The following SLC4A4 variants were observed in gnomAD, a reference collection of about 807,000 sequenced individuals.
The protein encoded by SLC4A4 is solute carrier family 4 member 4.
In SLC4A4, 27 loss-of-function variants were observed where a neutral mutation model predicts 111.5. That is an observed-to-expected ratio of 0.24 (90% confidence interval 0.18 to 0.33). The LOEUF (loss-of-function observed/expected upper bound fraction) is 0.33, where lower values mean the gene tolerates loss of function less well. Among genes scored for constraint, SLC4A4 ranks in the 10% least tolerant of loss-of-function variants. The pLI is 1.00. For missense variants in SLC4A4, 909 were observed against 1,315.5 expected, an observed-to-expected ratio of 0.69 and a Z score of 4.78; for synonymous variants, 443 against 463.4, an observed-to-expected ratio of 0.96 and a Z score of 0.57.
intron 3 of SLC4A4, among the ~76,000 whole-genome samples, chr4:71,292,365 A>G (rs1242399367): frequency 6.6e-6 from 1 of 152,210 alleles, no homozygotes; most frequent in Non-Finnish European, 1.5e-5. Context: ...GCAAAACTGT[A>G]CTTAGCCCCT....
At chr4:71,555,088 C>G in intron 20 of SLC4A4, 52 bp from the exon 21 acceptor site, 1 of 1,239,488 alleles carries the variant, frequency 8.1e-7, no homozygotes, top group Admixed American at 1.7e-5. Flanking sequence ...CCTCTTCATT[C>G]CTCTTTTTTC....
At chr4:71,163,800 A>T (rs181052980) in intron 2 of SLC4A4, among the ~76,000 whole-genome samples, 1 of 152,344 alleles carries the variant, frequency 6.6e-6, no homozygotes, top group African/African-American at 2.4e-5. Context: ...GAGACAAAGA[A>T]TGTATGGCTG....
intron 3 of SLC4A4, among the ~76,000 whole-genome samples, chr4:71,261,797 T>C (rs965371506): frequency 2.0e-5 from 3 of 152,238 alleles, no homozygotes; most frequent in East Asian, 1.9e-4. Context: ...TGAGATGTTA[T>C]GAGTAGTGTG....
intron 16 of SLC4A4, among the ~76,000 whole-genome samples, chr4:71,505,447 G>C (rs868347047): frequency 2.0e-5 from 3 of 151,456 alleles, no homozygotes; most frequent in African/African-American, 7.3e-5. Context: ...GTAATGATTA[G>C]TAATGTTGAG....
intron 7 of SLC4A4, among the ~76,000 whole-genome samples, chr4:71,438,459 G>T (rs1724370622): frequency 6.6e-6 from 1 of 152,140 alleles, no homozygotes; most frequent in South Asian, 2.1e-4. Context: ...AAAGTCTAGG[G>T]AGCTTTAAAA....
At chr4:71,348,671 G>T (rs1729546786) in intron 4 of SLC4A4, among the ~76,000 whole-genome samples, 1 of 152,068 alleles carries the variant, frequency 6.6e-6, no homozygotes, top group Non-Finnish European at 1.5e-5. Flanking sequence ...ATGGGTGCTG[G>T]GCTTGATTAA....
intron 3 of SLC4A4, chr4:71,338,967 T>G: frequency 1.0e-6 from 1 of 992,272 alleles, no homozygotes; most frequent in Non-Finnish European, 1.4e-6. Flanking sequence ...TTGGGGTACT[T>G]TGTTGTCCCT....
chr4:71,409,828 C>T (rs912674603), intron 7 of SLC4A4, among the ~76,000 whole-genome samples: 7 of 152,170 alleles, frequency 4.6e-5, no homozygotes, highest in East Asian at 1.9e-4. Context: ...AAAGTGGTTT[C>T]GTGGGCCACA....
chr4:71,213,884 T>C (rs1014507599), intron 1 of SLC4A4, among the ~76,000 whole-genome samples: 2 of 152,192 alleles, frequency 1.3e-5, no homozygotes, highest in African/African-American at 4.8e-5. Flanking sequence ...AGCACCTGGA[T>C]CTTGGACGTC....
intron 1 of SLC4A4, among the ~76,000 whole-genome samples, chr4:71,212,413 G>A (rs747074848): frequency 5.9e-5 from 9 of 152,220 alleles, no homozygotes; most frequent in Admixed American, 2.0e-4. Context: ...AGAGGCCCAG[G>A]CCTCTGGAGC....
intron 14 of SLC4A4, among the ~76,000 whole-genome samples, chr4:71,473,629 A>G (rs1134118): frequency 0.53 from 79,848 of 151,652 alleles, 24,660 homozygotes; most frequent in Non-Finnish European, 0.7. Context: ...CTGGAAAGGA[A>G]TGTGATTCTC....
rs184663383 is a variant in SLC4A4, at chr4:71,370,327, G to A, written c.730+13140G>A. 2.6e-5 allele frequency among the ~76,000 whole-genome samples: 4 copies of A among 152,274 alleles called. No homozygotes were observed. In the East Asian group the frequency reaches 5.8e-4, roughly 22 times the overall value. On this transcript the variant is annotated intron_variant, in intron 6 of 25. Transcript: ENST00000264485. ...AGTTAAAGTATAGGAAACTTACATGGTCAGATTGCCCAAAAGATCTGCTAA... is the reference window on the plus strand; with the variant it reads ...AGTTAAAGTATAGGAAACTTACATGATCAGATTGCCCAAAAGATCTGCTAA...
At position 71,072,555 on chromosome 4, in the gene SLC4A4, T is replaced by C. The variant is rs190825967; in HGVS notation, c.-65+9767T>C. 6.1e-4 allele frequency among the ~76,000 whole-genome samples: 90 copies of C among 148,336 alleles called. No individual in the cohort carries two copies. In the East Asian group the frequency reaches 0.017, roughly 28 times the overall value. ...TTTATTTTTTAGAGCTTCCCAGCCT[T>C]ATGGCTTTTTTTTTCCTTTTAATAT... On this transcript the variant is annotated intron_variant, in intron 1 of 26. Transcript: ENST00000649996.
At chr4:71,288,060 CT>C (rs1223505681) in intron 3 of SLC4A4, among the ~76,000 whole-genome samples, 1 of 152,128 alleles carries the variant, frequency 6.6e-6, no homozygotes, top group African/African-American at 2.4e-5. Context: ...TCTCTATCCA[CT>C]GAGATGCATT....
In SLC4A4 at chr4:71,301,024, C is replaced by T. The variant is rs1033159475; in HGVS notation, c.254-38346C>T. On this transcript the variant is annotated intron_variant, in intron 3 of 25. Coordinates refer to ENST00000264485, the MANE Select transcript of SLC4A4 (RefSeq NM_001098484.3). Reference sequence around the variant, plus strand: ...GGCCCCCTACAGCCATGCTTGCCAGCCCACTAGAAGGGAGAAGGTGCTTAA... The same window carrying T: ...GGCCCCCTACAGCCATGCTTGCCAGTCCACTAGAAGGGAGAAGGTGCTTAA... 81 of 437,060 alleles carry T rather than the reference C, an allele frequency of 1.9e-4. No homozygotes were observed. The Admixed American group carries it at 2.0e-3, about 11-fold the overall frequency. 27.1% of individuals were successfully genotyped at this position (437,060 alleles called of 1,614,324 possible). A position where few individuals can be genotyped will look rare whatever the true frequency, so the allele number is the denominator to read the frequency against.
At chr4:71,064,170 G>T (rs1174270877) in intron 1 of SLC4A4, among the ~76,000 whole-genome samples, 1 of 152,196 alleles carries the variant, frequency 6.6e-6, no homozygotes, top group African/African-American at 2.4e-5. Flanking sequence ...CAATATGTAT[G>T]GTATAGTGGG....
intron 2 of SLC4A4, among the ~76,000 whole-genome samples, chr4:71,146,106 C>A (rs1371003606): frequency 2.6e-5 from 4 of 152,190 alleles, no homozygotes; most frequent in Non-Finnish European, 4.4e-5. Context: ...TTTTCCTCTA[C>A]ACACCGCTTT....
At position 71,422,169 on chromosome 4, in the gene SLC4A4, C is replaced by T. The variant is rs541980659; in HGVS notation, c.808-18447C>T. ...ATAAAGGGGATATCACCACCGATCC[C>T]ACAGAAATACAAACTACCATCAGAG... On this transcript the variant is annotated intron_variant, in intron 7 of 25. Transcript: ENST00000264485. Among the ~76,000 whole-genome samples the T allele has an allele frequency of 1.2e-4, 17 of 142,018 alleles. No individual in the cohort carries two copies. In the East Asian group the frequency reaches 3.4e-3, roughly 29 times the overall value. The allele number at this position is 142,018 out of a possible 152,430, so 93.2% of individuals were successfully genotyped here.
chr4:71,493,359 C>G (rs764360625), intron 15 of SLC4A4, among the ~76,000 whole-genome samples: 110 of 151,934 alleles, frequency 7.2e-4, no homozygotes, highest in Non-Finnish European at 1.3e-3. Flanking sequence ...TTAATTTAAT[C>G]TTGTCCTCCA....
Sources: gnomAD v4.1 joint callset for allele counts (sites outside exome capture counted in the v4.1 genomes callset) on GRCh38, gnomAD v4.1.1 for gene constraint, MANE v1.5 for transcripts, NCBI Gene and HGNC (gene_info 2026-07-23, HGNC 2026-07-21) for gene names.